The following THSD7A variants were observed in gnomAD, a reference collection of about 807,000 sequenced individuals.
The protein encoded by THSD7A is thrombospondin type-1 domain-containing protein 7A.
Under a neutral mutation model 231.3 loss-of-function variants are expected in THSD7A, and 96 were observed. That is an observed-to-expected ratio of 0.41 (90% confidence interval 0.35 to 0.49). THSD7A has a LOEUF of 0.49. Ranked by LOEUF, THSD7A falls within the 20% of genes least tolerant of loss-of-function variation. The pLI is 0.05. For missense variants in THSD7A, 2,290 were observed against 2,070.2 expected, an observed-to-expected ratio of 1.11 and a Z score of -2.06; for synonymous variants, 940 against 743.3, an observed-to-expected ratio of 1.26 and a Z score of -4.30.
In THSD7A at chr7:11,590,684, A is replaced by T. The variant is rs1472259768; in HGVS notation, c.1272-43T>A. On this transcript the variant is annotated intron_variant, in intron 3 of 27. Coordinates refer to ENST00000423059, the MANE Select transcript of THSD7A (RefSeq NM_015204.3). The surrounding 1 kb of genome is among the most constrained non-coding windows in gnomAD (Gnocchi z 4.4). ...CACCAGCAGCAACCATAATTATTGA[A>T]TGACGTGTTTCTCTACTCCTGTCAT... The T allele has an allele frequency of 1.3e-6, 2 of 1,551,778 alleles. No individual in the cohort carries two copies. The highest frequency in any genetic ancestry group is 2.5e-5 in the South Asian group (2 of 81,422).
At chr7:11,462,766 G>C (rs1033923459) in intron 9 of THSD7A, among the ~76,000 whole-genome samples, 2 of 151,896 alleles carry the variant, frequency 1.3e-5, no homozygotes, top group Admixed American at 6.6e-5. Context: ...TTTTAGAGAA[G>C]CAGTCAAAAT....
intron 2 of THSD7A, among the ~76,000 whole-genome samples, chr7:11,601,217 T>C (rs1339946561): frequency 1.3e-5 from 2 of 152,196 alleles, no homozygotes; most frequent in Non-Finnish European, 2.9e-5. Context: ...TTTTCATACT[T>C]ATTAAGCTCA....
intron 6 of THSD7A, among the ~76,000 whole-genome samples, chr7:11,484,780 C>T (rs980834501): frequency 1.3e-5 from 2 of 151,074 alleles, no homozygotes; most frequent in African/African-American, 4.9e-5. Flanking sequence ...CTAGGGCCTC[C>T]CGAAAGTGTA....
intron 1 of THSD7A, among the ~76,000 whole-genome samples, chr7:11,720,001 C>G (rs1781291267): frequency 6.6e-6 from 1 of 151,802 alleles, no homozygotes; most frequent in Admixed American, 6.6e-5. Context: ...TATCTCAGAA[C>G]TAAACTTCCT....
At chr7:11,706,936 G>C (rs1162757531) in intron 1 of THSD7A, among the ~76,000 whole-genome samples, 2 of 150,534 alleles carry the variant, frequency 1.3e-5, no homozygotes, top group African/African-American at 2.4e-5. Flanking sequence ...CTTGTTATTT[G>C]TATTATCACT....
chr7:11,551,715 T>C (rs951390262), intron 4 of THSD7A, among the ~76,000 whole-genome samples: 2 of 152,126 alleles, frequency 1.3e-5, no homozygotes, highest in African/African-American at 2.4e-5. Context: ...GCAAGGTTTC[T>C]AAGAAAAGAG....
chr7:11,815,273 C>A (rs1029611410), intron 1 of THSD7A, among the ~76,000 whole-genome samples: 1 of 151,388 alleles, frequency 6.6e-6, no homozygotes, highest in Non-Finnish European at 1.5e-5. Context: ...TTTAGTTGAA[C>A]CTTGTCTCTG....
intron 1 of THSD7A, among the ~76,000 whole-genome samples, chr7:11,781,205 C>T (rs972791519): frequency 6.6e-6 from 1 of 151,382 alleles, no homozygotes; most frequent in Non-Finnish European, 1.5e-5. Flanking sequence ...CTTTGGAAGG[C>T]TGGGTGGGAT....
chr7:11,544,847 AAAAT>A (rs1202505091), intron 4 of THSD7A, among the ~76,000 whole-genome samples: 1 of 122,920 alleles, frequency 8.1e-6, no homozygotes, highest in Non-Finnish European at 1.6e-5. Context: ...CACTACAGTG[AAAAT>A]AAATAACTGG....
chr7:11,547,982 C>T (rs1027686946), intron 4 of THSD7A, among the ~76,000 whole-genome samples: 12 of 152,086 alleles, frequency 7.9e-5, no homozygotes, highest in Non-Finnish European at 4.4e-5. Context: ...GACACCAAAG[C>T]CAGCAGTAGA....
intron 4 of THSD7A, among the ~76,000 whole-genome samples, chr7:11,550,268 C>A (rs772836036): frequency 4.6e-5 from 7 of 151,934 alleles, no homozygotes; most frequent in Non-Finnish European, 1.0e-4. Context: ...TACCTAGGAA[C>A]ACAGCTAACC....
chr7:11,568,644 A>C (rs1003112184), intron 4 of THSD7A, among the ~76,000 whole-genome samples: 5 of 141,528 alleles, frequency 3.5e-5, no homozygotes, highest in African/African-American at 1.1e-4. Flanking sequence ...AAAAAAAAAA[A>C]AAAAAAAAAA....
intron 4 of THSD7A, among the ~76,000 whole-genome samples, chr7:11,554,213 A>G (rs1789747423): frequency 6.6e-6 from 1 of 152,002 alleles, no homozygotes; most frequent in Non-Finnish European, 1.5e-5. Context: ...TTGCAAACGT[A>G]ATTAGTTGAT....
intron 7 of THSD7A, among the ~76,000 whole-genome samples, chr7:11,478,477 C>G (rs916612503): frequency 6.6e-6 from 1 of 152,136 alleles, no homozygotes; most frequent in Non-Finnish European, 1.5e-5. Context: ...AGATCACCAA[C>G]AGACCTCCTA....
chr7:11,424,820 C>T lies in THSD7A; in HGVS notation c.3259G>A (p.Val1087Ile), dbSNP rs942905560. 1.2e-6 allele frequency: 2 copies of T among 1,613,836 alleles called. No individual in the cohort carries two copies. Among genetic ancestry groups the T allele is most frequent in the African/African-American group, 2.7e-5 (2 of 74,922 alleles). ...DHVNQAQVYE[V>I]VPCHSDCNQY... is the part of the protein sequence containing the mutation. ...TTGCAGTCACTGTGGCATGGGACAA[C>T]CTCATACACCTGAAACACACATGGT... Residue 1087 changes from valine (V) to isoleucine (I), a missense_variant, in exon 16 of 28, where the codon GTT (valine) becomes ATT (isoleucine). Coordinates refer to ENST00000423059, the MANE Select transcript of THSD7A (RefSeq NM_015204.3).
intron 6 of THSD7A, among the ~76,000 whole-genome samples, chr7:11,490,497 A>T (rs1261380040): frequency 6.6e-6 from 1 of 152,110 alleles, no homozygotes; most frequent in Non-Finnish European, 1.5e-5. Flanking sequence ...AAGCTTTGAC[A>T]TGAGACTCAT....
intron 1 of THSD7A, among the ~76,000 whole-genome samples, chr7:11,705,699 A>G (rs575711784): frequency 2.0e-5 from 3 of 151,128 alleles, no homozygotes; most frequent in African/African-American, 7.2e-5. Context: ...TAGTGGGCAA[A>G]CGATTCTTTA....
chr7:11,649,581 A>T (rs758284875), intron 1 of THSD7A, among the ~76,000 whole-genome samples: 5 of 152,038 alleles, frequency 3.3e-5, no homozygotes, highest in Non-Finnish European at 7.4e-5. Context: ...TGTTGGTAAA[A>T]GCCAAAGGTA....
At chr7:11,784,503 C>T (rs970599376) in intron 1 of THSD7A, among the ~76,000 whole-genome samples, 5 of 151,626 alleles carry the variant, frequency 3.3e-5, no homozygotes, top group African/African-American at 9.7e-5. Context: ...TTAATTTCTT[C>T]GTCTTCTTCC....
Sources: gnomAD v4.1 joint callset for allele counts (sites outside exome capture counted in the v4.1 genomes callset) on GRCh38, gnomAD v4.1.1 for gene constraint, Gnocchi (gnomAD v3.1) non-coding constraint, MANE v1.5 for transcripts, NCBI Gene and HGNC (gene_info 2026-07-23, HGNC 2026-07-21) for gene names.